Variants in FIP1L1 observed in about 807,000 individuals in gnomAD.
The protein encoded by FIP1L1 is pre-mRNA 3'-end-processing factor FIP1.
In FIP1L1, 21 loss-of-function variants were observed where a neutral mutation model predicts 84.6. That is an observed-to-expected ratio of 0.25 (90% CI 0.18 to 0.36). The LOEUF is 0.36. Among genes scored for constraint, FIP1L1 ranks in the 10% least tolerant of loss-of-function variants. The pLI, the probability that FIP1L1 is intolerant of heterozygous loss-of-function variation, is 1.00. For missense variants in FIP1L1, 526 were observed against 751.1 expected, an observed-to-expected ratio of 0.70 and a Z score of 3.50; for synonymous variants, 263 against 242.3, an observed-to-expected ratio of 1.09 and a Z score of -0.80.
intron 10 of FIP1L1, 95 bp from the exon 11 acceptor site, chr4:53,414,518 CTT>C: frequency 1.4e-6 from 1 of 716,352 alleles, no homozygotes; most frequent in Non-Finnish European, 2.3e-6. Context: ...TACTAAAAGA[CTT>C]TAGAAAAAGC....
intron 11 of FIP1L1, among the ~76,000 whole-genome samples, chr4:53,424,953 C>T (rs1763741537): frequency 6.6e-6 from 1 of 152,050 alleles, no homozygotes; most frequent in Non-Finnish European, 1.5e-5. Context: ...TGGCATCCAA[C>T]CTATGGTAGC....
At chr4:53,454,695 C>T (rs138920287) in intron 16 of FIP1L1, among the ~76,000 whole-genome samples, 56 of 152,230 alleles carry the variant, frequency 3.7e-4, no homozygotes, top group African/African-American at 1.2e-3. Context: ...CTAAGGACTC[C>T]AGGATTTTCA....
At chr4:53,413,754 CTGTT>C (rs372624248) in intron 10 of FIP1L1, among the ~76,000 whole-genome samples, 4 of 152,038 alleles carry the variant, frequency 2.6e-5, no homozygotes, top group African/African-American at 4.8e-5. Context: ...TTTATTGTGT[CTGTT>C]TGTATGCAGT....
At chr4:53,405,558 G>A (rs571686238) in intron 10 of FIP1L1, among the ~76,000 whole-genome samples, 1 of 149,062 alleles carries the variant, frequency 6.7e-6, no homozygotes, top group East Asian at 2.0e-4. Context: ...GTCATTGGTA[G>A]CTTGATGGGG....
At chr4:53,391,356 C>A in intron 8 of FIP1L1, 74 bp from the exon 9 acceptor site, 1 of 1,312,458 alleles carries the variant, frequency 7.6e-7, no homozygotes, top group Non-Finnish European at 1.1e-6. Context: ...CTAGCCACAG[C>A]TAGTTTGTCT....
Position 53,380,113 on chromosome 4 carries a change from T to C in FIP1L1, c.170+849T>C, listed in dbSNP as rs1437498545. Among the ~76,000 whole-genome samples, 5 of 152,210 alleles carry C rather than the reference T, an allele frequency of 3.3e-5. No individual in the cohort carries two copies. In the East Asian group the frequency reaches 7.7e-4, roughly 23 times the overall value. On this transcript the variant is annotated intron_variant, in intron 3 of 17. Transcript: ENST00000337488. ...GGCCATTTTCTCAAATGGTGAAACA[T>C]GGAGTTACCATGTGAGTCCTCCACC...
At chr4:53,401,016 T>C (rs1436438251) in intron 10 of FIP1L1, among the ~76,000 whole-genome samples, 1 of 152,218 alleles carries the variant, frequency 6.6e-6, no homozygotes, top group East Asian at 1.9e-4. Flanking sequence ...AGATGCTGGC[T>C]CTGCGGCTTA....
chr4:53,429,605 T>G (rs1560554658), intron 13 of FIP1L1, among the ~76,000 whole-genome samples: 1 of 152,218 alleles, frequency 6.6e-6, no homozygotes, highest in South Asian at 2.1e-4. Flanking sequence ...TGGATTCCTT[T>G]GTAATATTAC....
intron 5 of FIP1L1, among the ~76,000 whole-genome samples, chr4:53,387,693 T>C (rs1344133379): frequency 6.6e-6 from 1 of 152,382 alleles, no homozygotes; most frequent in Non-Finnish European, 1.5e-5. Context: ...GCTCATTTAT[T>C]GAACACTTGT....
At chr4:53,416,862 G>A (rs1252185706) in intron 11 of FIP1L1, among the ~76,000 whole-genome samples, 1 of 152,106 alleles carries the variant, frequency 6.6e-6, no homozygotes, top group Non-Finnish European at 1.5e-5. Flanking sequence ...TACTCAGGAG[G>A]TTGAGGTGGG....
At chr4:53,404,499 T>A (rs1466699169) in intron 10 of FIP1L1, among the ~76,000 whole-genome samples, 3 of 152,182 alleles carry the variant, frequency 2.0e-5, no homozygotes, top group Admixed American at 6.5e-5. Context: ...TATAGCAGCA[T>A]GATTTAGAGT....
At chr4:53,399,315 T>A (rs1749040579) in intron 9 of FIP1L1, among the ~76,000 whole-genome samples, 1 of 152,210 alleles carries the variant, frequency 6.6e-6, no homozygotes, top group African/African-American at 2.4e-5. Flanking sequence ...ATGGTCAGAA[T>A]GGCTAAAATG....
chr4:53,378,764 G>A, intron 1 of FIP1L1: 1 of 315,694 alleles, frequency 3.2e-6, no homozygotes, highest in Non-Finnish European at 5.8e-6. Context: ...TTTGTTCCTT[G>A]CCTAAAACAT....
Position 53,377,818 on chromosome 4 carries a change from T to G in FIP1L1, c.-21T>G. ...GGAGGGGGCTGTTGATCGCCGCGTT[T>G]AAGTTGCGCTCGGGGCGGCCATGTC... On this transcript the variant is annotated 5_prime_UTR_variant, in exon 1 of 18. Transcript: ENST00000337488. The G allele has an allele frequency of 6.5e-7, 1 of 1,544,176 alleles. No individual in the cohort carries two copies. Among genetic ancestry groups the G allele is most frequent in the East Asian group, 2.4e-5 (1 of 41,086 alleles).
chr4:53,384,344 G>T (rs975693634), intron 5 of FIP1L1, among the ~76,000 whole-genome samples: 2 of 152,100 alleles, frequency 1.3e-5, no homozygotes, highest in African/African-American at 4.8e-5. Context: ...GGGAGGTGGA[G>T]GTTGCGGTGA....
At chr4:53,395,581 A>G (rs1746780281) in intron 9 of FIP1L1, among the ~76,000 whole-genome samples, 2 of 152,226 alleles carry the variant, frequency 1.3e-5, no homozygotes, top group African/African-American at 2.4e-5. Flanking sequence ...CATGCTAAAG[A>G]TGATATAGTT....
chr4:53,433,951 T>A (rs1767912481), intron 13 of FIP1L1, among the ~76,000 whole-genome samples: 1 of 151,796 alleles, frequency 6.6e-6, no homozygotes, highest in Non-Finnish European at 1.5e-5. Flanking sequence ...AGGAATCGGG[T>A]CAGGGGGTGG....
At chr4:53,379,183 TTTTG>T (rs1294136699) in intron 2 of FIP1L1, 38 bp from the exon 3 acceptor site, 4 of 1,606,448 alleles carry the variant, frequency 2.5e-6, no homozygotes, top group Non-Finnish European at 1.7e-6. Context: ...GGTTTCTTTA[TTTTG>T]TTTGCTTATT....
intron 12 of FIP1L1, among the ~76,000 whole-genome samples, chr4:53,426,818 AGCT>A (rs1449537547): frequency 1.3e-5 from 2 of 152,156 alleles, no homozygotes; most frequent in Non-Finnish European, 2.9e-5. Context: ...GGTGGCGTAG[AGCT>A]GCTTTGTTTT....
Sources: gnomAD v4.1 joint callset for allele counts (sites outside exome capture counted in the v4.1 genomes callset) on GRCh38, gnomAD v4.1.1 for gene constraint, MANE v1.5 for transcripts, NCBI Gene and HGNC (gene_info 2026-07-23, HGNC 2026-07-21) for gene names.